The following MRPS6 variants were observed in gnomAD, a reference collection of about 807,000 sequenced individuals.
MRPS6 encodes mitochondrial ribosomal protein S6, also known as small ribosomal subunit protein bS6m.
In MRPS6, 6 loss-of-function variants were observed where a neutral mutation model predicts 13.1. The ratio of observed to expected loss-of-function variants is 0.46; its 90% CI spans 0.25 to 0.91. MRPS6 has a LOEUF of 0.91. MRPS6 is among the 40% of genes least tolerant of loss of function. MRPS6 has a pLI of 0.18. For missense variants in MRPS6, 164 were observed against 155.6 expected (o/e 1.05, Z -0.29); for synonymous variants, 61 against 56.5 (o/e 1.08, Z -0.36).
At chr21:34,097,081 T>C (rs1978997799) in intron 1 of MRPS6, 1 of 1,614,070 alleles carries the variant, frequency 6.2e-7, no homozygotes, top group Non-Finnish European at 8.5e-7. Flanking sequence ...GAAACACCAG[T>C]TGACGCTTAC....
chr21:34,137,294 T>G (rs1314207349), intron 2 of MRPS6, among the ~76,000 whole-genome samples: 1 of 152,224 alleles, frequency 6.6e-6, no homozygotes, highest in Non-Finnish European at 1.5e-5. Flanking sequence ...AAATTTTGAG[T>G]CTTCTTACCC....
chr21:34,075,045 CCCT>C (rs1405934794), intron 1 of MRPS6, among the ~76,000 whole-genome samples: 1 of 152,190 alleles, frequency 6.6e-6, no homozygotes, highest in Non-Finnish European at 1.5e-5. Flanking sequence ...TCCCTTTTGG[CCCT>C]CCTCCTTGCT....
At chr21:34,103,565 T>C (rs1225427436) in intron 1 of MRPS6, 25 of 1,000,020 alleles carry the variant, frequency 2.5e-5, no homozygotes, top group Non-Finnish European at 3.0e-5. Flanking sequence ...CTAAAGTCCA[T>C]AGAAAGCACA....
chr21:34,080,673 A>C (rs993337919), intron 1 of MRPS6, among the ~76,000 whole-genome samples: 2 of 152,186 alleles, frequency 1.3e-5, no homozygotes, highest in African/African-American at 4.8e-5. Flanking sequence ...TCTACTTTGT[A>C]TTACAGTTAA....
At chr21:34,129,260 A>G (rs749680583) in intron 2 of MRPS6, among the ~76,000 whole-genome samples, 4 of 152,086 alleles carry the variant, frequency 2.6e-5, no homozygotes, top group African/African-American at 4.8e-5. Flanking sequence ...CACGGAGCTT[A>G]TGGTTCTCGG....
chr21:34,125,111 A>C (rs1980254140), intron 1 of MRPS6: 2 of 614,172 alleles, frequency 3.3e-6, no homozygotes, highest in Admixed American at 7.6e-5. Context: ...GAACTCTCCG[A>C]AGCCTGGTTC....
chr21:34,100,891 A>G (rs1014287460), intron 1 of MRPS6: 2 of 1,000,016 alleles, frequency 2.0e-6, no homozygotes, highest in African/African-American at 1.7e-5. Flanking sequence ...GTTACTTGCT[A>G]CTCAAAGGTT....
intron 1 of MRPS6, chr21:34,095,253 C>T: frequency 6.2e-7 from 1 of 1,614,022 alleles, no homozygotes; most frequent in Non-Finnish European, 8.5e-7. Flanking sequence ...GTATTTTATC[C>T]TGGTCATGTG....
chr21:34,100,471 AT>A, intron 1 of MRPS6: 2 of 1,000,206 alleles, frequency 2.0e-6, no homozygotes, highest in Non-Finnish European at 2.4e-6. Flanking sequence ...AGCAATAGCA[AT>A]GGTGCTGTGT....
intron 1 of MRPS6, among the ~76,000 whole-genome samples, chr21:34,075,910 CACA>C (rs1277099105): frequency 2.0e-5 from 3 of 152,218 alleles, no homozygotes; most frequent in African/African-American, 7.2e-5. Context: ...TGTGAGCTTG[CACA>C]CCGGTAGCAG....
At chr21:34,131,277 T>C (rs1368913459) in intron 2 of MRPS6, among the ~76,000 whole-genome samples, 1 of 152,248 alleles carries the variant, frequency 6.6e-6, no homozygotes, top group African/African-American at 2.4e-5. Flanking sequence ...TTAGGACTTC[T>C]GGTCTTGTGT....
rs894470842 is a variant in MRPS6, at chr21:34,101,249, C to CT, written c.46-24090dup. The CT allele has an allele frequency of 4.0e-6, 4 of 999,962 alleles. No individual in the cohort carries two copies. The African/African-American group carries it at 7.0e-5, about 17-fold the overall frequency. 61.9% of individuals were successfully genotyped at this position (999,962 alleles called of 1,614,324 possible). ...AGAATCATTTTCATTAGATTTAGAG[C>CT]TTGAAGCACCTTGGCTCTCAGCTAC... is the stretch of plus-strand genomic sequence containing the variant. On this transcript the variant is annotated intron_variant, in intron 1 of 2. Transcript: ENST00000399312.
intron 2 of MRPS6, among the ~76,000 whole-genome samples, chr21:34,136,593 T>C (rs1037551091): frequency 6.6e-6 from 1 of 152,248 alleles, no homozygotes; most frequent in African/African-American, 2.4e-5. Context: ...TGTGCTGCTT[T>C]GCCATCGTAT....
intron 1 of MRPS6, among the ~76,000 whole-genome samples, chr21:34,074,216 C>T (rs1385322051): frequency 2.0e-5 from 3 of 150,800 alleles, no homozygotes; most frequent in East Asian, 3.9e-4. Flanking sequence ...CCGCCGACCG[C>T]CTCCGCTCTA....
chr21:34,114,550 G>C (rs1339965171), intron 1 of MRPS6, among the ~76,000 whole-genome samples: 1 of 152,104 alleles, frequency 6.6e-6, no homozygotes, highest in Non-Finnish European at 1.5e-5. Flanking sequence ...TGAAATATCT[G>C]AGGGTAAGAT....
chr21:34,076,835 T>G (rs1306108228), intron 1 of MRPS6, among the ~76,000 whole-genome samples: 3 of 152,190 alleles, frequency 2.0e-5, no homozygotes, highest in Non-Finnish European at 2.9e-5. Flanking sequence ...TAAAAAGATT[T>G]TAAAAGTCCT....
intron 1 of MRPS6, chr21:34,105,372 A>G (rs149125878): frequency 1.0e-6 from 1 of 999,680 alleles, no homozygotes; most frequent in Admixed American, 6.1e-5. Context: ...AGTCTTCTTC[A>G]AGAAGAAAAC....
chr21:34,115,229 C>G (rs1466352834), intron 1 of MRPS6, among the ~76,000 whole-genome samples: 1 of 152,178 alleles, frequency 6.6e-6, no homozygotes, highest in East Asian at 1.9e-4. Flanking sequence ...TTTTTAACCT[C>G]CATTCTTCTC....
intron 1 of MRPS6, chr21:34,102,436 G>A (rs1342376757): frequency 5.0e-6 from 5 of 999,870 alleles, no homozygotes; most frequent in Non-Finnish European, 6.0e-6. Context: ...TTGTTTTGGG[G>A]TAAGCACCTA....
Sources: gnomAD v4.1 joint callset for allele counts (sites outside exome capture counted in the v4.1 genomes callset) on GRCh38, gnomAD v4.1.1 for gene constraint, MANE v1.5 for transcripts, NCBI Gene and HGNC (gene_info 2026-07-23, HGNC 2026-07-21) for gene names.